RAB22A: variants seen among roughly 807,000 people sequenced by gnomAD.
RAB22A encodes the protein RAB22A, member RAS oncogene family, also known as ras-related protein Rab-22A.
A neutral mutation model predicts 30.2 loss-of-function variants in RAB22A; 13 were observed. The observed-to-expected ratio is 0.43, with a 90% confidence interval of 0.28 to 0.68. RAB22A has a LOEUF of 0.68. RAB22A is among the 30% of genes least tolerant of loss of function. The pLI is 0.18. For missense variants in RAB22A, 177 were observed against 246.8 expected (o/e 0.72, Z 1.89); for synonymous variants, 89 against 87.2 (o/e 1.02, Z -0.11).
intron 2 of RAB22A, among the ~76,000 whole-genome samples, chr20:58,324,234 T>C (rs1017790605): frequency 6.6e-6 from 1 of 152,178 alleles, no homozygotes. Flanking sequence ...GAGAGTCAGT[T>C]TCTTTCACAG....
At chr20:58,341,719 A>G (rs1375908607) in intron 2 of RAB22A, among the ~76,000 whole-genome samples, 2 of 152,216 alleles carry the variant, frequency 1.3e-5, no homozygotes, top group Non-Finnish European at 2.9e-5. Flanking sequence ...TAAGTCAGTA[A>G]TAAGTAATGT....
chr20:58,364,590 G>T lies in RAB22A; in HGVS notation c.*4887G>T, dbSNP rs189189190. 74 of 152,206 alleles carry T rather than the reference G, an allele frequency of 4.9e-4. No homozygotes were observed. The highest frequency in any genetic ancestry group is 1.7e-3 in the African/African-American group (69 of 41,528). The allele number at this position is 152,206 out of a possible 1,614,324, so 9.4% of individuals were successfully genotyped here. On this transcript the variant is annotated 3_prime_UTR_variant, in exon 7 of 7. Transcript: ENST00000244040. ...ACAAAAAGTGTTTAATTTACTGCAA[G>T]TTCATTTTTAGATCTGTATGGTGCC...
rs35136891 is a variant in RAB22A at position 58,366,230 on chromosome 20, C to A, written c.*6527C>A. The A allele has an allele frequency of 0.23, 34,764 of 152,072 alleles. 4,179 individuals are homozygous for A. The highest frequency in any genetic ancestry group is 0.29 in the African/African-American group (12,064 of 41,450). The allele number at this position is 152,072 out of a possible 1,614,324, so 9.4% of individuals were successfully genotyped here. ...CAGACACCTCCTTCGCATATGTAATCTGCCTTCCCCTGCGGCCTTCCGTGG... is the reference window on the plus strand; with the variant it reads ...CAGACACCTCCTTCGCATATGTAATATGCCTTCCCCTGCGGCCTTCCGTGG... On this transcript the variant is annotated 3_prime_UTR_variant, in exon 7 of 7. Transcript: ENST00000244040.
rs1987303682 is a variant in RAB22A, at chr20:58,365,801, A to G, written c.*6098A>G. On this transcript the variant is annotated 3_prime_UTR_variant, in exon 7 of 7. Transcript: ENST00000244040. ...CTCAGCCACCTGAATAGCTAGGATT[A>G]CAGGCGCCCGCCCCCACACCCGGCT... is the stretch of plus-strand genomic sequence containing the variant. 1 of 152,288 alleles carries G rather than the reference A, an allele frequency of 6.6e-6. No homozygotes were observed. Among genetic ancestry groups the G allele is most frequent in the Admixed American group, 6.5e-5 (1 of 15,276 alleles). The allele number at this position is 152,288 out of a possible 1,614,324, so 9.4% of individuals were successfully genotyped here.
At chr20:58,332,764 G>C (rs564347460) in intron 2 of RAB22A, among the ~76,000 whole-genome samples, 1 of 151,944 alleles carries the variant, frequency 6.6e-6, no homozygotes, top group Non-Finnish European at 1.5e-5. Flanking sequence ...CTGCAAACTC[G>C]TCAGGATAAA....
In RAB22A at chr20:58,365,678, T is replaced by G. The variant is rs1423855823; in HGVS notation, c.*5975T>G. ...GGGTGGCTTTTTTTTCTTTTTTTTT[T>G]TGAGACGGAGTCTCGCTCTGTCACC... is the stretch of plus-strand genomic sequence containing the variant. On this transcript the variant is annotated 3_prime_UTR_variant, in exon 7 of 7. Coordinates refer to ENST00000244040, the MANE Select transcript of RAB22A (RefSeq NM_020673.3). 1 of 152,370 alleles carries G rather than the reference T, an allele frequency of 6.6e-6. No homozygotes were observed. Among genetic ancestry groups the G allele is most frequent in the African/African-American group, 2.4e-5 (1 of 41,432 alleles). The allele number at this position is 152,370 out of a possible 1,614,324, so 9.4% of individuals were successfully genotyped here. A position where few individuals can be genotyped will look rare whatever the true frequency, so the allele number is the denominator to read the frequency against.
chr20:58,346,710 G>A (rs1986956069), intron 3 of RAB22A, among the ~76,000 whole-genome samples: 2 of 152,210 alleles, frequency 1.3e-5, no homozygotes, highest in South Asian at 4.1e-4. Context: ...CAAGAGCTGG[G>A]ACCACAGTGT....
At chr20:58,347,448 G>T (rs1052510210) in intron 3 of RAB22A, among the ~76,000 whole-genome samples, 1 of 152,136 alleles carries the variant, frequency 6.6e-6, no homozygotes, top group African/African-American at 2.4e-5. Context: ...GTTAAGAGGG[G>T]CCTAGGGAAA....
At chr20:58,339,505 AATTGTAGTAG>A (rs1296929263) in intron 2 of RAB22A, among the ~76,000 whole-genome samples, 1 of 152,186 alleles carries the variant, frequency 6.6e-6, no homozygotes, top group Admixed American at 6.5e-5. Context: ...GGGAGGGAAA[AATTGTAGTAG>A]TCCCACTGGA....
At chr20:58,353,576 G>T in intron 5 of RAB22A, 38 bp downstream of exon 5, 1 of 1,450,360 alleles carries the variant, frequency 6.9e-7, no homozygotes, top group Non-Finnish European at 9.6e-7. Context: ...TACCTATTAT[G>T]TGTTCCTTTT....
chr20:58,310,087 C>T (rs1454319793), intron 1 of RAB22A, 75 bp downstream of exon 1: 3 of 1,214,344 alleles, frequency 2.5e-6, no homozygotes, highest in East Asian at 3.2e-5. Flanking sequence ...CCCCTGTCCC[C>T]TCATCCCTTC....
rs1987194263 is a variant in RAB22A, at chr20:58,359,735, A to T, written c.*32A>T. On this transcript the variant is annotated 3_prime_UTR_variant, in exon 7 of 7. Transcript: ENST00000244040. The stretch of plus-strand genomic sequence containing the variant: ...CTCAGCCTCTCAGACTTGATGATGA[A>T]GTAGGTGGTCCTGAAAGTTAACAGG... 7 of 1,556,282 alleles carry T rather than the reference A, an allele frequency of 4.5e-6. No homozygotes were observed. The African/African-American group carries it at 8.1e-5, about 18-fold the overall frequency.
chr20:58,354,376 T>A, intron 6 of RAB22A, 111 bp downstream of exon 6: 1 of 677,994 alleles, frequency 1.5e-6, no homozygotes, highest in Non-Finnish European at 2.4e-6. Context: ...TCTGATATTG[T>A]GATCAGTGAA....
At position 58,366,605 on chromosome 20, in the gene RAB22A, A is replaced by C. The variant is rs1987322776; in HGVS notation, c.*6902A>C. ...AAAGACATGTACAACTCTTAATTTA[A>C]CATTTTTGAAAGAAAAAAAAACCGG... is the stretch of plus-strand genomic sequence containing the variant. On this transcript the variant is annotated 3_prime_UTR_variant, in exon 7 of 7. Transcript: ENST00000244040. 1 of 152,094 alleles carries C rather than the reference A, an allele frequency of 6.6e-6. No individual in the cohort carries two copies. Among genetic ancestry groups the C allele is most frequent in the African/African-American group, 2.4e-5 (1 of 41,366 alleles). 9.4% of individuals were successfully genotyped at this position (152,094 alleles called of 1,614,324 possible).
chr20:58,361,000 G>C lies in RAB22A; in HGVS notation c.*1297G>C, dbSNP rs1051922056. On this transcript the variant is annotated 3_prime_UTR_variant, in exon 7 of 7. Coordinates refer to ENST00000244040, the MANE Select transcript of RAB22A (RefSeq NM_020673.3). ...TCAGACCAACTGAGGAGCTTTCCTT[G>C]TTAACAATTTAGCTTATCTTTCTGT... 1 of 152,488 alleles carries C rather than the reference G, an allele frequency of 6.6e-6. No individual in the cohort carries two copies. 9.4% of individuals were successfully genotyped at this position (152,488 alleles called of 1,614,324 possible).
chr20:58,321,189 CAAA>C (rs776776631), intron 2 of RAB22A, among the ~76,000 whole-genome samples: 4 of 117,036 alleles, frequency 3.4e-5, no homozygotes, highest in Middle Eastern at 4.4e-3. Context: ...GACTCCATCT[CAAA>C]AAAAAAAAAA....
intron 2 of RAB22A, among the ~76,000 whole-genome samples, chr20:58,331,353 T>C (rs1986657559): frequency 6.6e-6 from 1 of 152,224 alleles, no homozygotes; most frequent in African/African-American, 2.4e-5. Context: ...TTTGTTTATT[T>C]ATTGTCAGTT....
chr20:58,357,013 A>G (rs1049362195), intron 6 of RAB22A, among the ~76,000 whole-genome samples: 1 of 152,222 alleles, frequency 6.6e-6, no homozygotes, highest in Non-Finnish European at 1.5e-5. Flanking sequence ...ATCTGTACAC[A>G]TTTTTGTTAG....
In RAB22A at chr20:58,366,930, G is replaced by C. The variant is rs1427842923; in HGVS notation, c.*7227G>C. ...GCCTAGACATTTTTCAAAAAAAAAA[G>C]CTAAGCCGTCCTACCAGCAATCTCT... On this transcript the variant is annotated 3_prime_UTR_variant, in exon 7 of 7. Coordinates refer to ENST00000244040, the MANE Select transcript of RAB22A (RefSeq NM_020673.3). 6.6e-6 allele frequency: 1 copy of C among 152,264 alleles called. No homozygotes were observed. The highest frequency in any genetic ancestry group is 6.5e-5 in the Admixed American group (1 of 15,268). The allele number at this position is 152,264 out of a possible 1,614,324, so 9.4% of individuals were successfully genotyped here.
Sources: gnomAD v4.1 joint callset for allele counts (sites outside exome capture counted in the v4.1 genomes callset) on GRCh38, gnomAD v4.1.1 for gene constraint, MANE v1.5 for transcripts, NCBI Gene and HGNC (gene_info 2026-07-23, HGNC 2026-07-21) for gene names.